The following DTD1 variants were observed in gnomAD, a reference collection of about 807,000 sequenced individuals.
DTD1 encodes the protein D-aminoacyl-tRNA deacylase 1.
In DTD1, 13 loss-of-function variants were observed where a neutral mutation model predicts 25.6. The observed-to-expected ratio is 0.51, with a 90% confidence interval of 0.33 to 0.81. The LOEUF (loss-of-function observed/expected upper bound fraction) is 0.81, where lower values mean the gene tolerates loss of function less well. Among genes scored for constraint, DTD1 ranks in the 30% least tolerant of loss-of-function variants. DTD1 has a pLI of 0.02. For missense variants in DTD1, 193 were observed against 266.4 expected (o/e 0.72, Z 1.92); for synonymous variants, 110 against 103.6 (o/e 1.06, Z -0.37).
intron 4 of DTD1, among the ~76,000 whole-genome samples, chr20:18,648,852 C>T (rs567882608): frequency 7.5e-4 from 114 of 151,538 alleles, no homozygotes; most frequent in Middle Eastern, 3.4e-3. Context: ...AAAAATTAGC[C>T]GGGTGTGGTG....
intron 4 of DTD1, among the ~76,000 whole-genome samples, chr20:18,722,527 A>G (rs1236823102): frequency 2.0e-5 from 3 of 152,230 alleles, no homozygotes; most frequent in Non-Finnish European, 4.4e-5. Context: ...TGCCTGGTTG[A>G]TGGAGATTTA....
chr20:18,686,426 G>A (rs904142083), intron 4 of DTD1, among the ~76,000 whole-genome samples: 4 of 152,118 alleles, frequency 2.6e-5, no homozygotes, highest in Admixed American at 6.5e-5. Flanking sequence ...CAGTTATATT[G>A]TTTTATATAT....
chr20:18,764,353 A>G lies in DTD1; in HGVS notation c.*1013A>G, dbSNP rs1443922379. 6.6e-6 allele frequency: 1 copy of G among 152,244 alleles called. No individual in the cohort carries two copies. The highest frequency in any genetic ancestry group is 1.5e-5 in the Non-Finnish European group (1 of 68,044). The allele number at this position is 152,244 out of a possible 1,614,324, so 9.4% of individuals were successfully genotyped here. A position where few individuals can be genotyped will look rare whatever the true frequency, so the allele number is the denominator to read the frequency against. Reference sequence around the variant, plus strand: ...TCACATTCTGCCAAAGTAATTTCTCAGTTAAATTTCAGTCTACTGGTGGCA... The same window carrying G: ...TCACATTCTGCCAAAGTAATTTCTCGGTTAAATTTCAGTCTACTGGTGGCA... On this transcript the variant is annotated 3_prime_UTR_variant, in exon 6 of 6. Coordinates refer to ENST00000377452, the MANE Select transcript of DTD1 (RefSeq NM_080820.6).
chr20:18,729,794 C>T (rs1345263435), intron 4 of DTD1, among the ~76,000 whole-genome samples: 1 of 152,218 alleles, frequency 6.6e-6, no homozygotes, highest in Non-Finnish European at 1.5e-5. Context: ...TACCCAGGGC[C>T]TTCCTGCCTC....
chr20:18,628,308 C>T (rs780781020), intron 4 of DTD1, 75 bp downstream of exon 4: 49 of 1,105,096 alleles, frequency 4.4e-5, no homozygotes, highest in Admixed American at 3.6e-4. Flanking sequence ...GAAGAGTCCT[C>T]GGTCTGAGGA....
intron 4 of DTD1, among the ~76,000 whole-genome samples, chr20:18,665,944 C>G (rs923440723): frequency 1.3e-5 from 2 of 152,166 alleles, no homozygotes; most frequent in African/African-American, 4.8e-5. Flanking sequence ...ACCCCCACAA[C>G]ATATTGTCAA....
intron 4 of DTD1, among the ~76,000 whole-genome samples, chr20:18,652,321 G>T (rs1215729454): frequency 1.3e-5 from 2 of 152,192 alleles, no homozygotes; most frequent in Admixed American, 6.5e-5. Flanking sequence ...AGCAATAAAA[G>T]AAAAATGCCA....
intron 5 of DTD1, among the ~76,000 whole-genome samples, chr20:18,756,078 A>C (rs1260866483): frequency 6.6e-6 from 1 of 151,882 alleles, no homozygotes; most frequent in Non-Finnish European, 1.5e-5. Flanking sequence ...TCTTTTGAGA[A>C]GTGTCTGTTC....
At chr20:18,648,868 G>A (rs962947537) in intron 4 of DTD1, among the ~76,000 whole-genome samples, 2 of 151,360 alleles carry the variant, frequency 1.3e-5, no homozygotes, top group East Asian at 3.9e-4. Flanking sequence ...TGGTGGCAGG[G>A]GCTTGTAGTC....
chr20:18,701,389 A>C (rs961989043), intron 4 of DTD1, among the ~76,000 whole-genome samples: 1 of 152,260 alleles, frequency 6.6e-6, no homozygotes, highest in African/African-American at 2.4e-5. Flanking sequence ...GGTCTTCTTT[A>C]AGTAGGGTAG....
At chr20:18,741,864 AGG>A (rs1321589820) in intron 4 of DTD1, among the ~76,000 whole-genome samples, 11 of 149,896 alleles carry the variant, frequency 7.3e-5, no homozygotes, top group Admixed American at 7.3e-4. Flanking sequence ...CTGGGACTAC[AGG>A]CATGTGCCAC....
At chr20:18,679,165 T>C (rs984925846) in intron 4 of DTD1, among the ~76,000 whole-genome samples, 13 of 152,268 alleles carry the variant, frequency 8.5e-5, no homozygotes, top group African/African-American at 3.1e-4. Context: ...AAAGTGTTTC[T>C]TGATTTACAT....
At chr20:18,750,774 T>A (rs2061318612) in intron 5 of DTD1, among the ~76,000 whole-genome samples, 1 of 152,236 alleles carries the variant, frequency 6.6e-6, no homozygotes, top group African/African-American at 2.4e-5. Context: ...TTCTGGCCAC[T>A]GCTAAAGGCA....
At chr20:18,696,730 T>C (rs765026568) in intron 4 of DTD1, among the ~76,000 whole-genome samples, 6 of 151,750 alleles carry the variant, frequency 4.0e-5, no homozygotes, top group Admixed American at 6.6e-5. Context: ...AATCTTGTAG[T>C]TTTAGTAGAG....
rs60083693 is a variant in DTD1, at chr20:18,607,073, A to G, written c.370+10832A>G. On this transcript the variant is annotated intron_variant, in intron 3 of 5. Coordinates refer to ENST00000377452, the MANE Select transcript of DTD1 (RefSeq NM_080820.6). ...ATTGATTAATTGATTTTTGAGTTGA[A>G]CCAGCTTTGCATACCTGGGATAAAT... Among the ~76,000 whole-genome samples, 369 of 152,280 alleles carry G rather than the reference A, an allele frequency of 2.4e-3. 6 individuals are homozygous for G. The highest frequency in any genetic ancestry group is 0.02 in the Admixed American group (302 of 15,292).
chr20:18,708,251 AT>A (rs56000255), intron 4 of DTD1, among the ~76,000 whole-genome samples: 475 of 27,332 alleles, frequency 0.017, 29 homozygotes, highest in East Asian at 0.025. Context: ...TATAATATAT[AT>A]TATATATATA....
chr20:18,706,974 C>T (rs1375911727), intron 4 of DTD1, among the ~76,000 whole-genome samples: 2 of 152,156 alleles, frequency 1.3e-5, no homozygotes. Flanking sequence ...CTGGAGACCC[C>T]GTGTGCTGAG....
intron 4 of DTD1, among the ~76,000 whole-genome samples, chr20:18,660,893 A>C (rs1477393881): frequency 1.3e-5 from 2 of 152,244 alleles, no homozygotes; most frequent in Non-Finnish European, 2.9e-5. Flanking sequence ...TTCTCCTAAC[A>C]TGGAAGCATC....
rs143821211 is a variant in DTD1 at position 18,639,788 on chromosome 20, T to C, written c.477+11555T>C. 6.4e-3 allele frequency among the ~76,000 whole-genome samples: 968 copies of C among 152,342 alleles called. 18 individuals carry two copies. The highest frequency in any genetic ancestry group is 0.046 in the East Asian group (240 of 5,194). On this transcript the variant is annotated intron_variant, in intron 4 of 5. Coordinates refer to ENST00000377452, the MANE Select transcript of DTD1 (RefSeq NM_080820.6). ...GTGAAGCCCGGAAGCCTCAATTTCT[T>C]TGTAATGGAAAGATCTGAGTTTGTG...
Sources: gnomAD v4.1 joint callset for allele counts (sites outside exome capture counted in the v4.1 genomes callset) on GRCh38, gnomAD v4.1.1 for gene constraint, MANE v1.5 for transcripts, NCBI Gene and HGNC (gene_info 2026-07-23, HGNC 2026-07-21) for gene names.